The following PAH variants were observed in gnomAD, a reference collection of about 807,000 sequenced individuals.
The protein encoded by PAH is phenylalanine hydroxylase, also known as phenylalanine-4-hydroxylase.
In PAH, 64 loss-of-function variants were observed where a neutral mutation model predicts 62.0. The ratio of observed to expected loss-of-function variants is 1.03; its 90% confidence interval spans 0.84 to 1.27. PAH has a LOEUF of 1.27. Among genes scored for constraint, PAH ranks in the 50% most tolerant of loss-of-function variants. The probability of loss-of-function intolerance (pLI) is 0.00; values close to 1 mark genes in which losing one functional copy is unlikely to be tolerated. For synonymous variants in PAH, 195 were observed against 196.2 expected, an observed-to-expected ratio of 0.99 and a Z score of 0.05; for missense variants, 579 against 542.8, an observed-to-expected ratio of 1.07 and a Z score of -0.66.
chr12:102,898,827 T>G (rs1208556801), intron 2 of PAH, among the ~76,000 whole-genome samples: 1 of 152,224 alleles, frequency 6.6e-6, no homozygotes, highest in Middle Eastern at 3.2e-3. Context: ...AAATATCAAC[T>G]TTGATTATTA....
At chr12:102,866,753 A>G (rs1424903265) in intron 4 of PAH, 90 bp from the exon 5 acceptor site, 5 of 984,690 alleles carry the variant, frequency 5.1e-6, no homozygotes, top group Non-Finnish European at 6.6e-6. Flanking sequence ...CTCTCAAGCC[A>G]TGACAGTGCA....
intron 5 of PAH, among the ~76,000 whole-genome samples, chr12:102,860,925 C>G (rs1489590112): frequency 6.6e-6 from 1 of 152,146 alleles, no homozygotes; most frequent in Admixed American, 6.5e-5. Context: ...TAGGCATGGG[C>G]AAGGACTTCA....
At chr12:102,936,695 C>T (rs1483279210) in intron 1 of PAH, among the ~76,000 whole-genome samples, 1 of 152,136 alleles carries the variant, frequency 6.6e-6, no homozygotes, top group Non-Finnish European at 1.5e-5. Context: ...AATGTAGCTA[C>T]TCCTTCTCTT....
intron 8 of PAH, among the ~76,000 whole-genome samples, chr12:102,850,786 A>G (rs1875109088): frequency 6.6e-6 from 1 of 152,150 alleles, no homozygotes; most frequent in South Asian, 2.1e-4. Context: ...TATTTTACTC[A>G]GCCCAAAACT....
intron 2 of PAH, among the ~76,000 whole-genome samples, chr12:102,906,132 G>C (rs1469832221): frequency 2.0e-5 from 3 of 152,012 alleles, no homozygotes; most frequent in African/African-American, 7.2e-5. Flanking sequence ...CTCACTAATA[G>C]TCAGAAAAAT....
chr12:102,885,551 G>C (rs1049978323), intron 3 of PAH, among the ~76,000 whole-genome samples: 2 of 152,090 alleles, frequency 1.3e-5, no homozygotes, highest in Non-Finnish European at 2.9e-5. Context: ...ATATTGATTT[G>C]GCTCCAAAGG....
intron 3 of PAH, among the ~76,000 whole-genome samples, chr12:102,889,500 A>T (rs1231229438): frequency 6.6e-6 from 1 of 151,670 alleles, no homozygotes; most frequent in Admixed American, 6.6e-5. Context: ...TGATAGATAG[A>T]CAGGTGTAGA....
At chr12:102,843,044 T>C (rs549239313) in intron 11 of PAH, among the ~76,000 whole-genome samples, 1 of 152,280 alleles carries the variant, frequency 6.6e-6, no homozygotes. Flanking sequence ...GAACTGCCTC[T>C]GGGATTAATG....
Position 102,852,923 on chromosome 12 carries a change from A to T in PAH, c.734T>A (p.Val245Glu), listed in dbSNP as rs76212747. Residue 245 changes from valine to glutamate, a missense_variant, in exon 7 of 13, where the codon GTG becomes GAG. Physicochemically the swap from Val to Glu is moderately radical, Grantham distance 121 (BLOSUM62 -2). Transcript: ENST00000553106. Reference protein sequence around the residue: ...QTCTGFRLRPVAGLLSSRDFL... With the variant: ...QTCTGFRLRPEAGLLSSRDFL... ...ATCCCGAGAGGAAAGCAGGCCAGCC[A>T]CAGGTCGGAGGCGGAAACCAGTGCA... 11 of 1,614,142 alleles carry T rather than the reference A, an allele frequency of 6.8e-6. No homozygotes were observed. The highest frequency in any genetic ancestry group is 9.3e-6 in the Non-Finnish European group (11 of 1,180,008).
intron 12 of PAH, 116 bp from the exon 13 acceptor site, chr12:102,839,334 A>G (rs895728045): frequency 6.3e-6 from 6 of 950,260 alleles, no homozygotes; most frequent in Admixed American, 1.8e-5. Flanking sequence ...GCTGGGTGCC[A>G]CCCCAACTTT....
chr12:102,933,828 T>C (rs1368466072), intron 1 of PAH, among the ~76,000 whole-genome samples: 4 of 151,348 alleles, frequency 2.6e-5, no homozygotes, highest in Non-Finnish European at 5.9e-5. Context: ...TTGACCTCTT[T>C]GTAATTTCAG....
At chr12:102,861,966 T>TA (rs71097947) in intron 5 of PAH, among the ~76,000 whole-genome samples, 7,625 of 128,426 alleles carry the variant, frequency 0.059, 277 homozygotes, top group South Asian at 0.079. Context: ...ACTTAAAGTA[T>TA]AAAAAAAAAA....
At chr12:102,854,255 TG>T (rs1389132714) in intron 6 of PAH, among the ~76,000 whole-genome samples, 1 of 152,198 alleles carries the variant, frequency 6.6e-6, no homozygotes, top group Non-Finnish European at 1.5e-5. Context: ...GTAATTTCCC[TG>T]GCTCATTGCC....
intron 4 of PAH, among the ~76,000 whole-genome samples, chr12:102,875,677 A>G (rs1441241634): frequency 6.6e-6 from 1 of 152,154 alleles, no homozygotes; most frequent in Non-Finnish European, 1.5e-5. Context: ...ATTTACCTTT[A>G]CTTTTCGGGG....
chr12:102,850,899 T>C (rs1875115304), intron 8 of PAH, among the ~76,000 whole-genome samples: 2 of 152,004 alleles, frequency 1.3e-5, no homozygotes, highest in Non-Finnish European at 1.5e-5. Context: ...GCCTCAGCAA[T>C]GTAGTGAGAC....
intron 2 of PAH, among the ~76,000 whole-genome samples, chr12:102,896,874 G>A (rs1036811785): frequency 7.9e-5 from 12 of 152,158 alleles, no homozygotes; most frequent in African/African-American, 2.9e-4. Flanking sequence ...GACAATGCAA[G>A]GATGAATAAG....
chr12:102,903,902 C>T (rs61943174), intron 2 of PAH, among the ~76,000 whole-genome samples: 8,889 of 152,204 alleles, frequency 0.058, 304 homozygotes, highest in Admixed American at 0.11. Context: ...GCCTGCTTCT[C>T]ATTTTGTAGC....
chr12:102,852,819 C>G lies in PAH; in HGVS notation c.838G>C (p.Glu280Gln), dbSNP rs62508698. The change falls in exon 7 of 13, where the codon GAA becomes CAA. Residue 280 changes from glutamate (E) to glutamine (Q), a missense_variant. Glu to Gln is a conservative substitution (Grantham distance 29). Transcript: ENST00000553106. ...TAGCTGGAGGACAGTACTCACGGTT[C>G]GGGGGTATACATGGGCTTGGATCCA... ...RHGSKPMYTPEPDICHELLGH... is the reference protein window; with the variant it reads ...RHGSKPMYTPQPDICHELLGH... 14 of 1,613,970 alleles carry G rather than the reference C, an allele frequency of 8.7e-6. No homozygotes were observed. Among genetic ancestry groups the G allele is most frequent in the Non-Finnish European group, 1.2e-5 (14 of 1,179,944 alleles).
At chr12:102,952,045 G>A (rs569172457), upstream of PAH, among the ~76,000 whole-genome samples, 11 of 152,140 alleles carry the variant, frequency 7.2e-5, no homozygotes, top group South Asian at 2.1e-3. Flanking sequence ...CAAAATAAGG[G>A]GAGACTCAAG....
Sources: gnomAD v4.1 joint callset for allele counts (sites outside exome capture counted in the v4.1 genomes callset) on GRCh38, gnomAD v4.1.1 for gene constraint, MANE v1.5 for transcripts, NCBI Gene and HGNC (gene_info 2026-07-23, HGNC 2026-07-21) for gene names.